Variants in GRIN2A observed in about 807,000 individuals in gnomAD.
GRIN2A encodes glutamate receptor ionotropic, NMDA 2A.
GRIN2A carries 22 observed loss-of-function variants against 113.4 expected under a neutral mutation model. The ratio of observed to expected loss-of-function variants is 0.19; its 90% CI spans 0.14 to 0.28. The LOEUF is 0.28. GRIN2A is among the 10% of genes least tolerant of loss of function. The pLI is 1.00. For missense variants in GRIN2A, 1,502 were observed against 1,887.0 expected (o/e 0.80, Z 3.78); for synonymous variants, 827 against 738.4 (o/e 1.12, Z -1.94).
chr16:10,131,951 T>G (rs985622918), intron 2 of GRIN2A, among the ~76,000 whole-genome samples: 2 of 152,144 alleles, frequency 1.3e-5, no homozygotes, highest in Admixed American at 1.3e-4. Flanking sequence ...CACTAAGCAT[T>G]TTACCACCAT....
At chr16:9,916,157 T>G (rs985330080) in intron 3 of GRIN2A, among the ~76,000 whole-genome samples, 3 of 152,204 alleles carry the variant, frequency 2.0e-5, no homozygotes, top group African/African-American at 7.2e-5. Flanking sequence ...CCCATGCAAC[T>G]CAAAGAATTG....
chr16:9,919,184 T>C (rs1596587660), intron 3 of GRIN2A, among the ~76,000 whole-genome samples: 2 of 151,940 alleles, frequency 1.3e-5, no homozygotes, highest in East Asian at 1.9e-4. Context: ...AAAAAATACA[T>C]ATATATCTCT....
chr16:9,787,224 G>C (rs1377945901), intron 11 of GRIN2A, among the ~76,000 whole-genome samples: 1 of 128,970 alleles, frequency 7.8e-6, no homozygotes, highest in Non-Finnish European at 1.6e-5. Context: ...ATCTTTTAGA[G>C]GTCTGAATAG....
chr16:10,100,728 C>T (rs2048377889), intron 2 of GRIN2A, among the ~76,000 whole-genome samples: 1 of 152,214 alleles, frequency 6.6e-6, no homozygotes, highest in South Asian at 2.1e-4. Flanking sequence ...CTGCTGGATT[C>T]ACTTTATAAC....
At chr16:9,775,197 G>A (rs970258427) in intron 11 of GRIN2A, among the ~76,000 whole-genome samples, 8 of 152,036 alleles carry the variant, frequency 5.3e-5, no homozygotes, top group African/African-American at 1.2e-4. Context: ...ACAGGCACAC[G>A]TCTACATATT....
At chr16:10,156,836 G>C (rs2049708235) in intron 2 of GRIN2A, among the ~76,000 whole-genome samples, 1 of 152,178 alleles carries the variant, frequency 6.6e-6, no homozygotes. Context: ...CTGAGAGGTA[G>C]ATTTCAACTG....
At chr16:10,111,440 T>A in intron 2 of GRIN2A, 1 of 573,030 alleles carries the variant, frequency 1.7e-6, no homozygotes, top group Non-Finnish European at 3.2e-6. Flanking sequence ...TGGCTCACCG[T>A]GCAGCAGCTC....
intron 2 of GRIN2A, among the ~76,000 whole-genome samples, chr16:10,151,933 A>C (rs1174172930): frequency 1.3e-5 from 2 of 152,202 alleles, no homozygotes; most frequent in African/African-American, 2.4e-5. Flanking sequence ...TATTCATTCA[A>C]ACCAGCAGGA....
In GRIN2A at chr16:9,819,521, G is replaced by GAA. The variant is rs572371350; in HGVS notation, c.2168+2741_2168+2742dup. On this transcript the variant is annotated intron_variant, in intron 10 of 12. Transcript: ENST00000330684. ...TGGGTGACAGAGTGAGACCCTGTCT[G>GAA]AAAAAAAAAAAAAAATTTAAATAAT... Among the ~76,000 whole-genome samples the GAA allele has an allele frequency of 1.5e-3, 207 of 134,192 alleles. 2 individuals are homozygous for GAA. The highest frequency in any genetic ancestry group is 5.0e-3 in the African/African-American group (186 of 36,922). The allele number at this position is 134,192 out of a possible 152,430, so 88.0% of individuals were successfully genotyped here. A position where few individuals can be genotyped will look rare whatever the true frequency, so the allele number is the denominator to read the frequency against.
At chr16:10,063,347 C>G (rs2047587396) in intron 2 of GRIN2A, among the ~76,000 whole-genome samples, 1 of 152,184 alleles carries the variant, frequency 6.6e-6, no homozygotes, top group Non-Finnish European at 1.5e-5. Context: ...CATGTATCCA[C>G]TGGATCTAAA....
chr16:9,927,381 G>T (rs1466341459), intron 3 of GRIN2A, among the ~76,000 whole-genome samples: 1 of 152,124 alleles, frequency 6.6e-6, no homozygotes, highest in Non-Finnish European at 1.5e-5. Flanking sequence ...ACCTAATTTG[G>T]CCACAAAGAA....
rs35189803 is a variant in GRIN2A, at chr16:9,760,374, ATTTTTT to A, written c.*2769_*2774del. ...AAATTGACCATCTGATCAGTAGTTGATTTTTTTTTTTTTTTTTTTTTTTTGCTTGGG... is the reference window on the plus strand; with the variant it reads ...AAATTGACCATCTGATCAGTAGTTGATTTTTTTTTTTTTTTTTTGCTTGGG... On this transcript the variant is annotated 3_prime_UTR_variant, in exon 13 of 13. Coordinates refer to ENST00000330684, the MANE Select transcript of GRIN2A (RefSeq NM_001134407.3). The A allele has an allele frequency of 2.6e-3, 243 of 94,062 alleles. No individual in the cohort carries two copies. The highest frequency in any genetic ancestry group is 6.9e-3 in the Middle Eastern group (1 of 144). The allele number at this position is 94,062 out of a possible 1,614,324, so 5.8% of individuals were successfully genotyped here. A position where few individuals can be genotyped will look rare whatever the true frequency, so the allele number is the denominator to read the frequency against.
At chr16:9,885,223 C>T (rs1378950519) in intron 4 of GRIN2A, among the ~76,000 whole-genome samples, 1 of 152,124 alleles carries the variant, frequency 6.6e-6, no homozygotes, top group Non-Finnish European at 1.5e-5. Flanking sequence ...ATACACGTGG[C>T]ATTGGTTGTA....
chr16:9,975,920 T>C (rs1263126100), intron 2 of GRIN2A, among the ~76,000 whole-genome samples: 1 of 152,180 alleles, frequency 6.6e-6, no homozygotes, highest in Non-Finnish European at 1.5e-5. Flanking sequence ...CGGAGGGGCA[T>C]TTCATAATGA....
At chr16:9,791,427 C>A (rs1902598912) in intron 11 of GRIN2A, among the ~76,000 whole-genome samples, 1 of 152,140 alleles carries the variant, frequency 6.6e-6, no homozygotes, top group Non-Finnish European at 1.5e-5. Flanking sequence ...GGGTAAGGGG[C>A]ATTCAAGGAT....
chr16:9,847,017 G>A (rs769323455), intron 5 of GRIN2A, among the ~76,000 whole-genome samples: 4 of 152,180 alleles, frequency 2.6e-5, no homozygotes, highest in Admixed American at 6.5e-5. Context: ...CATAACAAAA[G>A]GAGAAATGAC....
rs1241660491 is a variant in GRIN2A at position 9,764,876 on chromosome 16, A to G, written c.2668T>C (p.Ser890Pro). The G allele has an allele frequency of 6.2e-7, 1 of 1,614,000 alleles. No homozygotes were observed. Among genetic ancestry groups the G allele is most frequent in the Non-Finnish European group, 8.5e-7 (1 of 1,180,010 alleles). ...AGGAGTTTTAACATGTTGCTCTGGGATCCCGTCAGATTGAAGTCTGGAGAC... is the reference window on the plus strand; with the variant it reads ...AGGAGTTTTAACATGTTGCTCTGGGGTCCCGTCAGATTGAAGTCTGGAGAC... ...KKSPDFNLTGSQSNMLKLLRS... is the reference protein window; with the variant it reads ...KKSPDFNLTGPQSNMLKLLRS... Residue 890 changes from serine to proline, a missense_variant, in exon 13 of 13, where the codon TCC (serine) becomes CCC (proline). Physicochemically the swap from Ser to Pro is moderately conservative, Grantham distance 74. Transcript: ENST00000330684.
chr16:9,970,397 C>G (rs2045647471), intron 2 of GRIN2A, among the ~76,000 whole-genome samples: 1 of 152,102 alleles, frequency 6.6e-6, no homozygotes, highest in South Asian at 2.1e-4. Context: ...GGAGTAGAGA[C>G]CAATGCAGGA....
intron 2 of GRIN2A, among the ~76,000 whole-genome samples, chr16:10,013,450 C>T (rs943823524): frequency 6.6e-6 from 1 of 152,242 alleles, no homozygotes; most frequent in African/African-American, 2.4e-5. Context: ...CAGCTAATTT[C>T]TCTCTCCCTT....
Sources: gnomAD v4.1 joint callset for allele counts (sites outside exome capture counted in the v4.1 genomes callset) on GRCh38, gnomAD v4.1.1 for gene constraint, MANE v1.5 for transcripts, NCBI Gene and HGNC (gene_info 2026-07-23, HGNC 2026-07-21) for gene names.